CCSER1: variants seen among roughly 807,000 people sequenced by gnomAD.
The protein encoded by CCSER1 is serine-rich coiled-coil domain-containing protein 1.
In CCSER1, 41 loss-of-function variants were observed where a neutral mutation model predicts 82.0. That is an observed-to-expected ratio of 0.50 (90% CI 0.39 to 0.65). The LOEUF (loss-of-function observed/expected upper bound fraction) is 0.65, where lower values mean the gene tolerates loss of function less well. CCSER1 is among the 30% of genes least tolerant of loss of function. The pLI is 0.00. For synonymous variants in CCSER1, 414 were observed against 383.9 expected, an observed-to-expected ratio of 1.08 and a Z score of -0.92; for missense variants, 1,119 against 1,064.2, an observed-to-expected ratio of 1.05 and a Z score of -0.72.
At chr4:90,567,043 A>C (rs987629240) in intron 5 of CCSER1, among the ~76,000 whole-genome samples, 1 of 151,614 alleles carries the variant, frequency 6.6e-6, no homozygotes, top group Non-Finnish European at 1.5e-5. Context: ...AAAACAAAAA[A>C]ACCTCTTGGT....
chr4:91,146,017 C>T (rs1729498472), intron 10 of CCSER1, among the ~76,000 whole-genome samples: 1 of 152,004 alleles, frequency 6.6e-6, no homozygotes, highest in Non-Finnish European at 1.5e-5. Context: ...ATATGTTTTC[C>T]AAGTGGCCTA....
intron 9 of CCSER1, among the ~76,000 whole-genome samples, chr4:91,016,752 C>T (rs975037968): frequency 5.9e-5 from 9 of 152,072 alleles, no homozygotes; most frequent in Non-Finnish European, 8.8e-5. Flanking sequence ...ATATAAATTA[C>T]ATGTCCCTAA....
At chr4:90,753,280 A>G (rs1478711389) in intron 7 of CCSER1, among the ~76,000 whole-genome samples, 16 of 152,136 alleles carry the variant, frequency 1.1e-4, no homozygotes, top group Admixed American at 1.0e-3. Context: ...CTGGTGAAGG[A>G]GAATGCATAT....
rs1409623192 is a variant in CCSER1, at chr4:91,442,787, AC to A, written c.2218-155784del. 5.3e-5 allele frequency among the ~76,000 whole-genome samples: 8 copies of A among 150,188 alleles called. 1 individual carries two copies. Among genetic ancestry groups the A allele is most frequent in the African/African-American group, 2.0e-4 (8 of 40,936 alleles). On this transcript the variant is annotated intron_variant, in intron 10 of 10. Coordinates refer to ENST00000509176, the MANE Select transcript of CCSER1 (RefSeq NM_001145065.2). ...AAACAAATTTACAAGAAAAAAACAA[AC>A]AACCCCATCAAAAAGTGGGCAAAGG...
chr4:90,170,404 C>CTTTT (rs60642438), intron 1 of CCSER1, among the ~76,000 whole-genome samples: 1 of 142,092 alleles, frequency 7.0e-6, no homozygotes, highest in African/African-American at 2.6e-5. Flanking sequence ...AACAGCTAAC[C>CTTTT]TTTTTTTTTT....
At chr4:90,812,607 T>C (rs986272270) in intron 7 of CCSER1, among the ~76,000 whole-genome samples, 26 of 152,176 alleles carry the variant, frequency 1.7e-4, no homozygotes, top group African/African-American at 4.6e-4. Flanking sequence ...ATGGTAGATA[T>C]AGTATCTATA....
At chr4:91,222,283 G>T (rs1412233740) in intron 10 of CCSER1, among the ~76,000 whole-genome samples, 1 of 151,728 alleles carries the variant, frequency 6.6e-6, no homozygotes, top group Non-Finnish European at 1.5e-5. Context: ...GTCTGAGAGT[G>T]TAGTAGGCAT....
At chr4:91,177,677 A>T (rs1455121091) in intron 10 of CCSER1, among the ~76,000 whole-genome samples, 1 of 152,040 alleles carries the variant, frequency 6.6e-6, no homozygotes, top group African/African-American at 2.4e-5. Flanking sequence ...CCCCTTTAAC[A>T]TTTTTAATAC....
rs115580898 is a variant in CCSER1 at position 90,885,388 on chromosome 4, C to T, written c.2095-37982C>T. Among the ~76,000 whole-genome samples the T allele has an allele frequency of 9.6e-3, 1,461 of 152,218 alleles. 25 individuals carry two copies. The highest frequency in any genetic ancestry group is 0.034 in the African/African-American group (1,395 of 41,540). On this transcript the variant is annotated intron_variant, in intron 8 of 10. Transcript: ENST00000509176. ...ATATAATTGAATTTATTGAAATGTA[C>T]AAGATGGCAATAGAGAATTTACAAT...
intron 1 of CCSER1, among the ~76,000 whole-genome samples, chr4:90,290,607 A>G (rs1730739812): frequency 6.6e-6 from 1 of 151,904 alleles, no homozygotes; most frequent in African/African-American, 2.4e-5. Flanking sequence ...GGAAATCTGT[A>G]GGACGGTACA....
chr4:91,592,406 C>T (rs1764310762), intron 10 of CCSER1, among the ~76,000 whole-genome samples: 1 of 152,036 alleles, frequency 6.6e-6, no homozygotes, highest in Non-Finnish European at 1.5e-5. Context: ...ACAGACAAAC[C>T]ATATCACCTG....
intron 7 of CCSER1, among the ~76,000 whole-genome samples, chr4:90,724,317 A>T (rs1263195598): frequency 1.3e-5 from 2 of 151,954 alleles, no homozygotes; most frequent in Non-Finnish European, 2.9e-5. Flanking sequence ...TCATAGGGGA[A>T]AAAGGAAACA....
intron 5 of CCSER1, among the ~76,000 whole-genome samples, chr4:90,507,261 G>T (rs1384349297): frequency 6.6e-6 from 1 of 151,064 alleles, no homozygotes; most frequent in Non-Finnish European, 1.5e-5. Context: ...CATGTTGAAA[G>T]TTGTGCCATT....
At chr4:90,505,181 T>C (rs979320527) in intron 5 of CCSER1, among the ~76,000 whole-genome samples, 1 of 152,202 alleles carries the variant, frequency 6.6e-6, no homozygotes, top group African/African-American at 2.4e-5. Context: ...AATTGCCAGT[T>C]ATTAGAAATG....
At chr4:91,185,424 C>G (rs1397416641) in intron 10 of CCSER1, among the ~76,000 whole-genome samples, 1 of 152,126 alleles carries the variant, frequency 6.6e-6, no homozygotes, top group Non-Finnish European at 1.5e-5. Context: ...TCCTATTGTC[C>G]CTGCTGGCAA....
intron 10 of CCSER1, among the ~76,000 whole-genome samples, chr4:91,193,293 C>G (rs896175312): frequency 1.3e-5 from 2 of 152,114 alleles, no homozygotes; most frequent in Admixed American, 1.3e-4. Flanking sequence ...TCCATGGTAA[C>G]TAAATTCTCC....
intron 10 of CCSER1, among the ~76,000 whole-genome samples, chr4:91,275,923 C>T (rs185119401): frequency 8.5e-5 from 13 of 152,196 alleles, no homozygotes; most frequent in African/African-American, 3.1e-4. Flanking sequence ...GACTCCTTTA[C>T]TCCAATTTAT....
At chr4:90,445,504 A>G (rs1309604833) in intron 4 of CCSER1, among the ~76,000 whole-genome samples, 1 of 152,044 alleles carries the variant, frequency 6.6e-6, no homozygotes, top group Non-Finnish European at 1.5e-5. Flanking sequence ...TGACTGCTTG[A>G]TATTGTAGTG....
At chr4:91,269,812 A>T (rs897563681) in intron 10 of CCSER1, among the ~76,000 whole-genome samples, 7 of 151,424 alleles carry the variant, frequency 4.6e-5, no homozygotes, top group African/African-American at 1.7e-4. Flanking sequence ...AACTCTACTT[A>T]AAAAAAATTC....
Sources: allele counts gnomAD v4.1 joint callset (sites outside exome capture counted in the v4.1 genomes callset), GRCh38; gene constraint gnomAD v4.1.1; transcripts MANE v1.5; gene names NCBI Gene and HGNC (gene_info 2026-07-23, HGNC 2026-07-21).